The following TRIM44 variants were observed in gnomAD, a reference collection of about 807,000 sequenced individuals.
The protein encoded by TRIM44 is tripartite motif containing 44, also known as tripartite motif-containing protein 44.
TRIM44 carries 13 observed loss-of-function variants against 37.4 expected under a neutral mutation model. The ratio of observed to expected loss-of-function variants is 0.35; its 90% CI spans 0.23 to 0.55. The LOEUF (loss-of-function observed/expected upper bound fraction) is 0.55. Among genes scored for constraint, TRIM44 ranks in the 20% least tolerant of loss-of-function variants. TRIM44 has a pLI of 0.89. For synonymous variants in TRIM44, 175 were observed against 157.2 expected (o/e 1.11, Z -0.85); for missense variants, 426 against 437.2 (o/e 0.97, Z 0.23).
chr11:35,704,452 A>T (rs1028454819), intron 2 of TRIM44, among the ~76,000 whole-genome samples: 4 of 152,204 alleles, frequency 2.6e-5, no homozygotes, highest in Non-Finnish European at 5.9e-5. Context: ...TCCAAGACAC[A>T]TAATTGTCAG....
At chr11:35,755,783 T>C (rs1297625667) in intron 4 of TRIM44, among the ~76,000 whole-genome samples, 1 of 152,188 alleles carries the variant, frequency 6.6e-6, no homozygotes, top group Non-Finnish European at 1.5e-5. Flanking sequence ...ATTGCTTGTT[T>C]TTCTCAGGTT....
At chr11:35,733,769 G>C (rs1486861014) in intron 3 of TRIM44, among the ~76,000 whole-genome samples, 1 of 152,090 alleles carries the variant, frequency 6.6e-6, no homozygotes, top group African/African-American at 2.4e-5. Flanking sequence ...ATTGCCCTCA[G>C]TTCCAACCTT....
chr11:35,676,755 G>A (rs149990088), intron 1 of TRIM44, among the ~76,000 whole-genome samples: 1 of 152,164 alleles, frequency 6.6e-6, no homozygotes, highest in African/African-American at 2.4e-5. Flanking sequence ...TTTTGAGTGT[G>A]TGTGAACCCT....
intron 2 of TRIM44, among the ~76,000 whole-genome samples, chr11:35,687,262 A>G (rs1433831610): frequency 6.6e-6 from 1 of 152,266 alleles, no homozygotes; most frequent in Non-Finnish European, 1.5e-5. Context: ...GGCTGCAGCC[A>G]CAAGAATAAA....
chr11:35,735,827 G>C (rs963757715), intron 4 of TRIM44, among the ~76,000 whole-genome samples: 2 of 151,778 alleles, frequency 1.3e-5, no homozygotes, highest in Non-Finnish European at 2.9e-5. Flanking sequence ...ATGGGCTCTA[G>C]ATCTAGTATT....
chr11:35,663,658 G>C lies in TRIM44; in HGVS notation c.547G>C (p.Gly183Arg). The C allele has an allele frequency of 6.2e-7, 1 of 1,614,166 alleles. No individual in the cohort carries two copies. Among genetic ancestry groups the C allele is most frequent in the South Asian group, 1.1e-5 (1 of 91,082 alleles). ...RVAKRKCPDHGLDLSTYCQED... is the reference protein window; with the variant it reads ...RVAKRKCPDHRLDLSTYCQED... The stretch of plus-strand genomic sequence containing the variant: ...GGCCAAGAGGAAGTGTCCGGACCAT[G>C]GGCTTGATTTGAGTACCTATTGCCA... Residue 183 changes from glycine to arginine, a missense_variant, in exon 1 of 5, where the codon GGG becomes CGG. By Grantham distance (125) the Gly-to-Arg change is moderately radical (BLOSUM62 -2). Around this residue, in one of 2 missense-constraint regions of TRIM44, gnomAD observed 331 missense variants for 303.0 expected, o/e 1.09. Coordinates refer to ENST00000299413, the MANE Select transcript of TRIM44 (RefSeq NM_017583.6).
chr11:35,735,803 G>T (rs7934109), intron 4 of TRIM44, among the ~76,000 whole-genome samples: 8,633 of 151,828 alleles, frequency 0.057, 814 homozygotes, highest in African/African-American at 0.2. Flanking sequence ...ATTGGAATTA[G>T]ATTGATTTTT....
In TRIM44 at chr11:35,812,934, A is replaced by G. The variant is rs1300654106; in HGVS notation, c.*6549A>G. ...GGCCATAAATAAGAAAATCAACGAG[A>G]GGCAAAACCATGTCTTCTTTTGCTA... On this transcript the variant is annotated 3_prime_UTR_variant, in exon 5 of 5. Coordinates refer to ENST00000299413, the MANE Select transcript of TRIM44 (RefSeq NM_017583.6). 1.3e-5 allele frequency: 2 copies of G among 152,194 alleles called. No individual in the cohort carries two copies. Among genetic ancestry groups the G allele is most frequent in the Non-Finnish European group, 2.9e-5 (2 of 68,028 alleles). The allele number at this position is 152,194 out of a possible 1,614,324, so 9.4% of individuals were successfully genotyped here.
chr11:35,699,026 A>G (rs1851743721), intron 2 of TRIM44, among the ~76,000 whole-genome samples: 1 of 147,104 alleles, frequency 6.8e-6, no homozygotes, highest in Non-Finnish European at 1.5e-5. Context: ...TCCCAGCACC[A>G]TTTATTAAAT....
rs748229027 is a variant in TRIM44, at chr11:35,663,255, C to T, written c.144C>T (p.His48=). 2 of 1,609,736 alleles carry T rather than the reference C, an allele frequency of 1.2e-6. No individual in the cohort carries two copies. The highest frequency in any genetic ancestry group is 1.7e-6 in the Non-Finnish European group (2 of 1,176,570). ...FCYCRRHAEA[H]RQKFLSHHLA... is the part of the protein sequence containing the mutation. The stretch of plus-strand genomic sequence containing the variant: ...ACTGCCGCCGCCATGCCGAGGCGCA[C>T]AGGCAGAAGTTCCTCAGTCACCATC... Residue 48 remains histidine, a synonymous_variant, in exon 1 of 5, where the codon CAC becomes CAT. Transcript: ENST00000299413.
rs151130823 is a variant in TRIM44, at chr11:35,790,347, A to G, written c.1008-16011A>G. ...ATAGGGACTTTAGGCTTAATGGCTT[A>G]TGGGAGATCTTTTGAAAGTGGCAAA... is the stretch of plus-strand genomic sequence containing the variant. On this transcript the variant is annotated intron_variant, in intron 4 of 4. Coordinates refer to ENST00000299413, the MANE Select transcript of TRIM44 (RefSeq NM_017583.6). Among the ~76,000 whole-genome samples, 281 of 152,326 alleles carry G rather than the reference A, an allele frequency of 1.8e-3. 2 individuals carry two copies. Among genetic ancestry groups the G allele is most frequent in the African/African-American group, 6.5e-3 (270 of 41,578 alleles).
intron 1 of TRIM44, 91 bp from the exon 2 acceptor site, chr11:35,685,168 G>T (rs1327301836): frequency 9.7e-7 from 1 of 1,034,892 alleles, no homozygotes; most frequent in African/African-American, 1.6e-5. Flanking sequence ...AGAAAAAATT[G>T]CTTTCTATTT....
rs764738862 is a variant in TRIM44 at position 35,814,247 on chromosome 11, C to T, written c.*7862C>T. ...AGCTCTTTGCTGTAAGAAGAATAAACGTTATGTAGATATAATACCAGCGTG... is the reference window on the plus strand; with the variant it reads ...AGCTCTTTGCTGTAAGAAGAATAAATGTTATGTAGATATAATACCAGCGTG... On this transcript the variant is annotated 3_prime_UTR_variant, in exon 5 of 5. Coordinates refer to ENST00000299413, the MANE Select transcript of TRIM44 (RefSeq NM_017583.6). 3.9e-5 allele frequency: 6 copies of T among 152,210 alleles called. No individual in the cohort carries two copies. The highest frequency in any genetic ancestry group is 3.4e-3 in the Middle Eastern group (1 of 294). The allele number at this position is 152,210 out of a possible 1,614,324, so 9.4% of individuals were successfully genotyped here.
In TRIM44 at chr11:35,706,497, G is replaced by A. The variant is rs190968286; in HGVS notation, c.748-19427G>A. On this transcript the variant is annotated intron_variant, in intron 2 of 4. Coordinates refer to ENST00000299413, the MANE Select transcript of TRIM44 (RefSeq NM_017583.6). ...TAGACCAATATCCTTGATGAACATC[G>A]ATGCAAAAATCCTCAATAAAATACT... Among the ~76,000 whole-genome samples, 627 of 152,236 alleles carry A rather than the reference G, an allele frequency of 4.1e-3. 8 individuals carry two copies. The highest frequency in any genetic ancestry group is 0.014 in the African/African-American group (599 of 41,562).
chr11:35,720,235 T>G (rs1486381722), intron 2 of TRIM44, among the ~76,000 whole-genome samples: 1 of 152,214 alleles, frequency 6.6e-6, no homozygotes, highest in Non-Finnish European at 1.5e-5. Flanking sequence ...CTTATAGATC[T>G]TGTACGTATT....
chr11:35,707,631 TTGACAAACC>T (rs1590528266), intron 2 of TRIM44, among the ~76,000 whole-genome samples: 1 of 147,916 alleles, frequency 6.8e-6, no homozygotes, highest in Non-Finnish European at 1.5e-5. Flanking sequence ...TATCTGTTCT[TTGACAAACC>T]TGACAAAAAC....
At chr11:35,729,434 G>A (rs373188924) in intron 3 of TRIM44, among the ~76,000 whole-genome samples, 3 of 152,094 alleles carry the variant, frequency 2.0e-5, no homozygotes, top group Non-Finnish European at 2.9e-5. Flanking sequence ...GACTTCTGCC[G>A]TACCCTGCAG....
chr11:35,761,382 T>C (rs754026681), intron 4 of TRIM44, among the ~76,000 whole-genome samples: 18 of 100,456 alleles, frequency 1.8e-4, no homozygotes, highest in Non-Finnish European at 3.1e-4. Flanking sequence ...GTCTGTTGTA[T>C]TGTTTGCTCT....
In TRIM44 at chr11:35,807,474, T is replaced by C. The variant is rs1319178554; in HGVS notation, c.*1089T>C. 6.6e-6 allele frequency: 1 copy of C among 152,150 alleles called. No individual in the cohort carries two copies. Among genetic ancestry groups the C allele is most frequent in the Non-Finnish European group, 1.5e-5 (1 of 68,016 alleles). The allele number at this position is 152,150 out of a possible 1,614,324, so 9.4% of individuals were successfully genotyped here. A position where few individuals can be genotyped will look rare whatever the true frequency, so the allele number is the denominator to read the frequency against. ...CACACCCTGGATCTCACTCTCCTCT[T>C]AGTAACAGAGACACTCCTGAGGTTG... On this transcript the variant is annotated 3_prime_UTR_variant, in exon 5 of 5. Transcript: ENST00000299413.
Sources: allele counts gnomAD v4.1 joint callset (sites outside exome capture counted in the v4.1 genomes callset), GRCh38; gene constraint gnomAD v4.1.1; regional missense constraint gnomAD v4.1.1; transcripts MANE v1.5; gene names NCBI Gene and HGNC (gene_info 2026-07-23, HGNC 2026-07-21).